Variants in TRAK1 observed in about 807,000 individuals in gnomAD.
TRAK1 encodes the protein trafficking kinesin-binding protein 1.
A neutral mutation model predicts 92.1 loss-of-function variants in TRAK1; 33 were observed. The ratio of observed to expected loss-of-function variants is 0.36; its 90% confidence interval spans 0.27 to 0.48. The LOEUF is 0.48. TRAK1 is among the 20% of genes least tolerant of loss of function. The pLI is 0.99. For synonymous variants in TRAK1, 521 were observed against 517.3 expected (o/e 1.01, Z -0.10); for missense variants, 1,123 against 1,257.9 (o/e 0.89, Z 1.62).
At chr3:42,210,031 AC>A (rs1192632000) in intron 14 of TRAK1, 46 bp downstream of exon 14, 1 of 1,613,450 alleles carries the variant, frequency 6.2e-7, no homozygotes, top group African/African-American at 1.3e-5. Context: ...AGCAGAAGTT[AC>A]CCGAGCCGGC....
intron 2 of TRAK1, chr3:42,146,332 G>A (rs1699323970): frequency 6.9e-6 from 2 of 290,070 alleles, no homozygotes; most frequent in South Asian, 1.0e-4. Context: ...TCAGTATTGG[G>A]ATACTTTTCC....
intron 14 of TRAK1, among the ~76,000 whole-genome samples, chr3:42,213,145 A>G: frequency 7.3e-6 from 1 of 137,554 alleles, no homozygotes; most frequent in East Asian, 2.1e-4. Flanking sequence ...TGCAACTTCC[A>G]CCTCCCGGTT....
rs1382077032 is a variant in TRAK1, at chr3:42,200,886, C to G, written c.1259C>G (p.Pro420Arg). ...GTTGTCAAGCAGAGATCTCTGACCC[C>G]TTCTCCCATGAACATCCCCGGCTCC... The part of the protein sequence containing the change: ...NQVVKQRSLT[P>R]SPMNIPGSNQ... The change falls in exon 12 of 16, where the codon CCT (proline) becomes CGT (arginine). Residue 420 changes from proline (P) to arginine (R), a missense_variant. Around this residue, in one of 3 missense-constraint regions of TRAK1, gnomAD observed 686 missense variants for 747.6 expected, o/e 0.92. Transcript: ENST00000327628. 1 of 1,614,200 alleles carries G rather than the reference C, an allele frequency of 6.2e-7. No individual in the cohort carries two copies.
intron 2 of TRAK1, among the ~76,000 whole-genome samples, chr3:42,152,679 CG>C (rs542688118): frequency 3.2e-4 from 49 of 152,240 alleles, no homozygotes; most frequent in Non-Finnish European, 5.1e-4. Flanking sequence ...AGGTCAGTTT[CG>C]GGATCTTAGA....
At chr3:42,219,009 G>A (rs1425425512) in intron 14 of TRAK1, 2 of 985,292 alleles carry the variant, frequency 2.0e-6, no homozygotes, top group African/African-American at 1.7e-5. Flanking sequence ...AGCAGAAAGG[G>A]AGCTGTGAGC....
chr3:42,065,334 G>C (rs76495557), intron 1 of TRAK1, among the ~76,000 whole-genome samples: 3,131 of 152,202 alleles, frequency 0.021, 121 homozygotes, highest in African/African-American at 0.072. Flanking sequence ...AAGTGTTTTA[G>C]ATTTCAGATT....
chr3:42,169,320 A>G (rs1190283255), intron 2 of TRAK1, among the ~76,000 whole-genome samples: 1 of 151,828 alleles, frequency 6.6e-6, no homozygotes, highest in Non-Finnish European at 1.5e-5. Context: ...TCAATATTCC[A>G]TTGTATGGAC....
At chr3:42,197,004 A>ACT (rs1706799308) in intron 10 of TRAK1, among the ~76,000 whole-genome samples, 1 of 48,440 alleles carries the variant, frequency 2.1e-5, no homozygotes, top group African/African-American at 5.8e-5. Flanking sequence ...TCTCTCTCTC[A>ACT]CACACACACA....
intron 14 of TRAK1, chr3:42,211,858 G>T: frequency 2.0e-6 from 2 of 985,388 alleles, no homozygotes; most frequent in Non-Finnish European, 2.4e-6. Flanking sequence ...ATTTGACGAG[G>T]GGCATGAACA....
intron 2 of TRAK1, chr3:42,151,369 C>T (rs576497550): frequency 2.2e-6 from 1 of 456,504 alleles, no homozygotes; most frequent in Admixed American, 2.4e-5. Flanking sequence ...CCCTGAGAGA[C>T]CCTGATCTGT....
intron 14 of TRAK1, among the ~76,000 whole-genome samples, chr3:42,213,670 CACCACAG>C (rs1167400601): frequency 1.3e-5 from 2 of 152,206 alleles, no homozygotes; most frequent in Non-Finnish European, 2.9e-5. Context: ...CTCTTCAGTA[CACCACAG>C]ACCACAGAAC....
At chr3:42,165,337 G>A (rs889683218) in intron 2 of TRAK1, among the ~76,000 whole-genome samples, 1 of 152,160 alleles carries the variant, frequency 6.6e-6, no homozygotes, top group Admixed American at 6.5e-5. Context: ...CTGGAAAAAC[G>A]GGTGAAAAAA....
intron 6 of TRAK1, among the ~76,000 whole-genome samples, chr3:42,190,707 C>A (rs1705587520): frequency 6.6e-6 from 1 of 152,152 alleles, no homozygotes; most frequent in African/African-American, 2.4e-5. Flanking sequence ...GGCTCAGAGA[C>A]ACTTCTGTCT....
intron 1 of TRAK1, among the ~76,000 whole-genome samples, chr3:42,111,987 G>T (rs1245734930): frequency 7.9e-5 from 12 of 151,018 alleles, no homozygotes. Flanking sequence ...CAGGAGACTG[G>T]TTTTCAAAGC....
intron 12 of TRAK1, among the ~76,000 whole-genome samples, chr3:42,201,304 C>CA (rs1285808502): frequency 1.3e-5 from 2 of 152,038 alleles, no homozygotes; most frequent in Non-Finnish European, 2.9e-5. Context: ...ACTAAACATA[C>CA]AAAAAATTAG....
At chr3:42,196,542 T>C (rs907580863) in intron 10 of TRAK1, among the ~76,000 whole-genome samples, 10 of 149,442 alleles carry the variant, frequency 6.7e-5, no homozygotes, top group African/African-American at 2.0e-4. Flanking sequence ...TCTTCTTCTT[T>C]TTTTTTTTTT....
At chr3:42,113,660 C>T (rs368391161) in intron 1 of TRAK1, among the ~76,000 whole-genome samples, 10 of 152,198 alleles carry the variant, frequency 6.6e-5, no homozygotes, top group South Asian at 4.2e-4. Context: ...GGTGATCCAC[C>T]GACCTCAGCC....
At chr3:42,121,963 G>A (rs938903828) in intron 1 of TRAK1, among the ~76,000 whole-genome samples, 2 of 152,068 alleles carry the variant, frequency 1.3e-5, no homozygotes, top group African/African-American at 2.4e-5. Flanking sequence ...GATTACCAGC[G>A]TGCGCCGCTA....
At chr3:42,182,391 C>G (rs1317781546) in intron 3 of TRAK1, among the ~76,000 whole-genome samples, 1 of 151,434 alleles carries the variant, frequency 6.6e-6, no homozygotes, top group Admixed American at 6.6e-5. Context: ...CTCCTGGGTT[C>G]AAGTGATTCT....
Sources: gnomAD v4.1 joint callset for allele counts (sites outside exome capture counted in the v4.1 genomes callset) on GRCh38, gnomAD v4.1.1 for gene constraint, gnomAD v4.1.1 regional missense constraint, MANE v1.5 for transcripts, NCBI Gene and HGNC (gene_info 2026-07-23, HGNC 2026-07-21) for gene names.